Variants in SLC2A14 observed in about 807,000 individuals in gnomAD.
SLC2A14 encodes solute carrier family 2, facilitated glucose transporter member 14.
In SLC2A14, 13 loss-of-function variants were observed where a neutral mutation model predicts 43.0. The ratio of observed to expected loss-of-function variants is 0.30; its 90% confidence interval spans 0.20 to 0.48. The LOEUF (loss-of-function observed/expected upper bound fraction) is 0.48, where lower values mean the gene tolerates loss of function less well. Ranked by LOEUF, SLC2A14 falls within the 20% of genes least tolerant of loss-of-function variation. The pLI, the probability that SLC2A14 is intolerant of heterozygous loss-of-function variation, is 0.99. For missense variants in SLC2A14, 428 were observed against 620.4 expected, an observed-to-expected ratio of 0.69 and a Z score of 3.29; for synonymous variants, 190 against 233.8, an observed-to-expected ratio of 0.81 and a Z score of 1.71.
upstream of SLC2A14, among the ~76,000 whole-genome samples, chr12:7,877,838 G>A (rs1312269696): frequency 6.6e-6 from 1 of 152,068 alleles, no homozygotes; most frequent in African/African-American, 2.4e-5. Context: ...CACCTCCCGG[G>A]TTCAAGCAAT....
chr12:7,874,743 A>ATATTTTATATATT (rs1565584395), upstream of SLC2A14, among the ~76,000 whole-genome samples: 2 of 112,962 alleles, frequency 1.8e-5, no homozygotes, highest in African/African-American at 6.7e-5. Context: ...ATATAAAAAT[A>ATATTTTATATATT]TATATAAATA....
At chr12:7,823,752 G>C (rs1465221816) in intron 7 of SLC2A14, among the ~76,000 whole-genome samples, 1 of 151,788 alleles carries the variant, frequency 6.6e-6, no homozygotes, top group African/African-American at 2.4e-5. Context: ...TGAAATATTG[G>C]ACTCAGACCT....
At chr12:7,833,446 C>A (rs1865196488) in intron 2 of SLC2A14, among the ~76,000 whole-genome samples, 1 of 152,272 alleles carries the variant, frequency 6.6e-6, no homozygotes, top group East Asian at 1.9e-4. Context: ...GAAGAAAGAA[C>A]ACTCGGCTCA....
At chr12:7,866,636 G>T (rs1016465691) in intron 2 of SLC2A14, among the ~76,000 whole-genome samples, 2 of 152,160 alleles carry the variant, frequency 1.3e-5, no homozygotes, top group African/African-American at 4.8e-5. Context: ...AAAGTGCTGG[G>T]ATTACAGGCA....
intron 1 of SLC2A14, among the ~76,000 whole-genome samples, chr12:7,879,943 T>A (rs752023256): frequency 6.6e-6 from 1 of 151,386 alleles, no homozygotes; most frequent in Non-Finnish European, 1.5e-5. Flanking sequence ...AAGGCGGAGG[T>A]TGCAGTGACC....
intron 2 of SLC2A14, among the ~76,000 whole-genome samples, chr12:7,858,650 C>A (rs1944383881): frequency 6.6e-6 from 1 of 152,050 alleles, no homozygotes; most frequent in Non-Finnish European, 1.5e-5. Context: ...CAGGCATGTG[C>A]CACCACACCC....
rs1434718577 is a variant in SLC2A14 at position 7,886,783 on chromosome 12, G to A, written c.132+4213C>T. On this transcript the variant is annotated intron_variant, in intron 1 of 9. Transcript: ENST00000539924. ...GCAATGACCACTGTTATTTTCAAGA[G>A]TTATTCTGTATATCACATTGATGTG... Among the ~76,000 whole-genome samples, 2 of 151,922 alleles carry A rather than the reference G, an allele frequency of 1.3e-5. 1 individual carries two copies. Among genetic ancestry groups the A allele is most frequent in the East Asian group, 3.8e-4 (2 of 5,200 alleles).
intron 7 of SLC2A14, among the ~76,000 whole-genome samples, chr12:7,826,901 C>CTTTCTT (rs1864466120): frequency 1.6e-5 from 1 of 64,330 alleles, no homozygotes; most frequent in Non-Finnish European, 2.9e-5. Flanking sequence ...TTCTTTCTTT[C>CTTTCTT]TTTCTTTCTT....
chr12:7,835,053 C>T (rs1865329733), intron 2 of SLC2A14, among the ~76,000 whole-genome samples: 1 of 151,352 alleles, frequency 6.6e-6, no homozygotes, highest in Non-Finnish European at 1.5e-5. Flanking sequence ...CCTCAGACAC[C>T]TATGCTGTGT....
In SLC2A14 at chr12:7,814,852, C is replaced by G. The variant is rs771705571; in HGVS notation, c.1276-318G>C. Among the ~76,000 whole-genome samples, 13 of 151,756 alleles carry G rather than the reference C, an allele frequency of 8.6e-5. No homozygotes were observed. The East Asian group carries it at 2.6e-3, about 30-fold the overall frequency. ...TCTCACTCTGTCACCCAGGCTGGAG[C>G]GCAATGGCAGGATCTCGGCTCACTG... is the stretch of plus-strand genomic sequence containing the variant. On this transcript the variant is annotated intron_variant, in intron 10 of 10. Transcript: ENST00000431042.
intron 2 of SLC2A14, among the ~76,000 whole-genome samples, chr12:7,865,079 G>A (rs1365631180): frequency 6.6e-6 from 1 of 152,050 alleles, no homozygotes; most frequent in Admixed American, 6.5e-5. Flanking sequence ...AACAGCATGA[G>A]CTCACTTTGA....
rs143722395 is a variant in SLC2A14, at chr12:7,821,290, T to C, written c.900A>G (p.Ala300=). The change falls in exon 8 of 11, where the codon GCA becomes GCG. Residue 300 remains alanine (A), a synonymous_variant. Transcript: ENST00000431042. ...TGGCATAGATGGGCTGTTGAACACC[T>C]GCATCCTTGAAGATTCCTGTTGAGT... ...FYYSTGIFKD[A]GVQQPIYATI... is the part of the protein sequence containing the mutation. The C allele has an allele frequency of 3.1e-6, 5 of 1,613,728 alleles. No homozygotes were observed. The African/African-American group carries it at 6.7e-5, about 22-fold the overall frequency.
chr12:7,879,510 C>T (rs2121102383), intron 1 of SLC2A14, among the ~76,000 whole-genome samples: 1 of 151,898 alleles, frequency 6.6e-6, no homozygotes, highest in South Asian at 2.1e-4. Context: ...AGGGAAACTA[C>T]ATCTCTACTA....
intron 1 of SLC2A14, among the ~76,000 whole-genome samples, chr12:7,882,249 G>C (rs988227364): frequency 6.8e-6 from 1 of 146,032 alleles, no homozygotes; most frequent in Admixed American, 6.7e-5. Flanking sequence ...GATTCCAGAC[G>C]GGTTGCCTTA....
At chr12:7,881,114 G>C (rs1196718901) in intron 1 of SLC2A14, among the ~76,000 whole-genome samples, 1 of 152,158 alleles carries the variant, frequency 6.6e-6, no homozygotes, top group Non-Finnish European at 1.5e-5. Flanking sequence ...GTGACAGCGT[G>C]CTGGCAGTCC....
At chr12:7,848,396 C>T (rs1022812576) in intron 2 of SLC2A14, among the ~76,000 whole-genome samples, 1 of 151,268 alleles carries the variant, frequency 6.6e-6, no homozygotes, top group South Asian at 2.1e-4. Flanking sequence ...TTATTTTTTA[C>T]AATTCCCTTT....
At chr12:7,874,698 AT>A (rs1324772023), upstream of SLC2A14, among the ~76,000 whole-genome samples, 2 of 142,774 alleles carry the variant, frequency 1.4e-5, no homozygotes, top group African/African-American at 5.1e-5. Flanking sequence ...ATATATATAA[AT>A]ATATATAAAT....
upstream of SLC2A14, among the ~76,000 whole-genome samples, chr12:7,873,673 A>G (rs1326605969): frequency 2.9e-4 from 13 of 44,386 alleles, no homozygotes; most frequent in Non-Finnish European, 6.5e-4. Context: ...AAACAAACAA[A>G]CAAACAAAAC....
upstream of SLC2A14, among the ~76,000 whole-genome samples, chr12:7,873,799 C>T (rs1301863940): frequency 1.3e-5 from 2 of 152,098 alleles, no homozygotes; most frequent in Non-Finnish European, 2.9e-5. Flanking sequence ...TCATCCCCTG[C>T]TGCCCCATTG....
Sources: allele counts gnomAD v4.1 joint callset (sites outside exome capture counted in the v4.1 genomes callset), GRCh38; gene constraint gnomAD v4.1.1; transcripts MANE v1.5; gene names NCBI Gene and HGNC (gene_info 2026-07-23, HGNC 2026-07-21).